PTPRM: variants seen among roughly 807,000 people sequenced by gnomAD.
PTPRM encodes the protein receptor-type tyrosine-protein phosphatase mu.
PTPRM carries 47 observed loss-of-function variants against 186.7 expected under a neutral mutation model. The ratio of observed to expected loss-of-function variants is 0.25; its 90% CI spans 0.20 to 0.32. PTPRM has a LOEUF of 0.32. Ranked by LOEUF, PTPRM falls within the 10% of genes least tolerant of loss-of-function variation. The pLI is 1.00. For synonymous variants in PTPRM, 668 were observed against 674.9 expected (o/e 0.99, Z 0.16); for missense variants, 1,494 against 1,865.0 (o/e 0.80, Z 3.66).
At chr18:8,365,706 C>G (rs887410865) in intron 23 of PTPRM, 1 of 152,310 alleles carries the variant, frequency 6.6e-6, no homozygotes, top group Non-Finnish European at 1.5e-5. Flanking sequence ...CTAGCTGTCC[C>G]TCCACCATCA....
chr18:7,953,210 AC>A (rs1479256566), intron 6 of PTPRM, among the ~76,000 whole-genome samples: 2 of 152,236 alleles, frequency 1.3e-5, no homozygotes, highest in East Asian at 3.9e-4. Flanking sequence ...ATTTTAGGAT[AC>A]TAGTTACAAT....
chr18:8,273,694 T>G (rs1037459087), intron 19 of PTPRM, among the ~76,000 whole-genome samples: 3 of 152,166 alleles, frequency 2.0e-5, no homozygotes, highest in African/African-American at 7.2e-5. Flanking sequence ...AGCAGTATGG[T>G]AGGAATCATT....
At chr18:7,892,485 T>C (rs1442666794) in intron 3 of PTPRM, among the ~76,000 whole-genome samples, 1 of 152,170 alleles carries the variant, frequency 6.6e-6, no homozygotes. Context: ...GGATAACATA[T>C]TTCACCTTCC....
At chr18:8,142,797 G>T (rs1046858615) in intron 13 of PTPRM, among the ~76,000 whole-genome samples, 14 of 152,206 alleles carry the variant, frequency 9.2e-5, no homozygotes, top group African/African-American at 3.1e-4. Context: ...TTACAAAGGA[G>T]TCTTTTTAGG....
chr18:7,958,777 A>G (rs1489866473), intron 7 of PTPRM, among the ~76,000 whole-genome samples: 1 of 152,156 alleles, frequency 6.6e-6, no homozygotes, highest in Non-Finnish European at 1.5e-5. Context: ...CTGCTATTAC[A>G]TTTCCAAAAA....
rs1229249439 is a variant in PTPRM at position 8,335,809 on chromosome 18, G to C, written c.2957-7614G>C. On this transcript the variant is annotated intron_variant, in intron 22 of 32. Coordinates refer to ENST00000580170, the MANE Select transcript of PTPRM (RefSeq NM_001105244.2). ...AGCTGAGGCGGGCAGATCATTTCAG[G>C]TCAGGAGCTGGAGACCAGCCTGGCC... Among the ~76,000 whole-genome samples the C allele has an allele frequency of 1.4e-4, 21 of 151,908 alleles. 1 individual carries two copies. The highest frequency in any genetic ancestry group is 1.4e-3 in the Admixed American group (21 of 15,266).
At chr18:8,392,428 T>G (rs957475700) in intron 31 of PTPRM, among the ~76,000 whole-genome samples, 7 of 152,012 alleles carry the variant, frequency 4.6e-5, no homozygotes, top group Admixed American at 3.9e-4. Flanking sequence ...ATTGAGACTA[T>G]CCTGGCTAAC....
At chr18:7,595,038 C>G (rs1010567672) in intron 1 of PTPRM, among the ~76,000 whole-genome samples, 13 of 152,148 alleles carry the variant, frequency 8.5e-5, no homozygotes, top group African/African-American at 3.1e-4. Context: ...ATCACCTTGG[C>G]AGCCAATGTG....
At chr18:8,223,982 T>C (rs1652023162) in intron 14 of PTPRM, among the ~76,000 whole-genome samples, 1 of 152,146 alleles carries the variant, frequency 6.6e-6, no homozygotes, top group South Asian at 2.1e-4. Flanking sequence ...ATTCCTTGGG[T>C]TGGGGAGAAG....
chr18:8,121,476 A>T (rs1011383301), intron 13 of PTPRM, among the ~76,000 whole-genome samples: 5 of 152,132 alleles, frequency 3.3e-5, no homozygotes, highest in African/African-American at 1.2e-4. Flanking sequence ...ATTAATGTTA[A>T]CCACTTAAAC....
intron 1 of PTPRM, among the ~76,000 whole-genome samples, chr18:7,699,502 A>G (rs897930325): frequency 6.6e-6 from 1 of 152,060 alleles, no homozygotes; most frequent in East Asian, 1.9e-4. Context: ...TCTGCCTCCC[A>G]GGTTCAAGTG....
At chr18:7,585,473 G>T (rs1454757782) in intron 1 of PTPRM, among the ~76,000 whole-genome samples, 2 of 152,148 alleles carry the variant, frequency 1.3e-5, no homozygotes, top group South Asian at 2.1e-4. Flanking sequence ...CATATTTGGT[G>T]CTGTATTTAA....
At chr18:8,039,499 T>C (rs1439966442) in intron 7 of PTPRM, among the ~76,000 whole-genome samples, 1 of 152,190 alleles carries the variant, frequency 6.6e-6, no homozygotes, top group African/African-American at 2.4e-5. Context: ...TAAAATGTGG[T>C]ATTTGATACC....
At chr18:7,643,175 A>G (rs1004357826) in intron 1 of PTPRM, among the ~76,000 whole-genome samples, 20 of 152,038 alleles carry the variant, frequency 1.3e-4, no homozygotes, top group Non-Finnish European at 8.8e-5. Context: ...TCCCATGGGT[A>G]TTGGCTGGGT....
At chr18:7,575,234 T>C (rs892988473) in intron 1 of PTPRM, among the ~76,000 whole-genome samples, 11 of 152,154 alleles carry the variant, frequency 7.2e-5, no homozygotes. Flanking sequence ...CCGGCCTTTC[T>C]GAGAAACAGC....
intron 2 of PTPRM, among the ~76,000 whole-genome samples, chr18:7,873,270 G>A (rs1015218576): frequency 7.9e-5 from 12 of 152,270 alleles, no homozygotes; most frequent in African/African-American, 2.9e-4. Flanking sequence ...GACCCTAATA[G>A]CTTCTAATGC....
chr18:8,125,267 A>G (rs117906621), intron 13 of PTPRM, among the ~76,000 whole-genome samples: 1,872 of 151,874 alleles, frequency 0.012, 20 homozygotes, highest in Non-Finnish European at 0.022. Context: ...TGAACGGCCC[A>G]GTTGTCAGGA....
chr18:8,298,359 C>T (rs1167988180), intron 20 of PTPRM, among the ~76,000 whole-genome samples: 1 of 152,154 alleles, frequency 6.6e-6, no homozygotes, highest in East Asian at 1.9e-4. Flanking sequence ...GTGGAAGAGA[C>T]ATTGCTGAGC....
rs73387573 is a variant in PTPRM, at chr18:7,646,169, C to A, written c.73+78278C>A. Among the ~76,000 whole-genome samples the A allele has an allele frequency of 3.2e-3, 484 of 152,252 alleles. 5 individuals are homozygous for A. Among genetic ancestry groups the A allele is most frequent in the African/African-American group, 0.011 (459 of 41,554 alleles). On this transcript the variant is annotated intron_variant, in intron 1 of 32. Transcript: ENST00000580170. ...TTGAAGTGAGCTGTGTCAATACTCA[C>A]AAAAACCCATTCTCCTCCCTTGCCT...
Sources: allele counts gnomAD v4.1 joint callset (sites outside exome capture counted in the v4.1 genomes callset), GRCh38; gene constraint gnomAD v4.1.1; transcripts MANE v1.5; gene names NCBI Gene and HGNC (gene_info 2026-07-23, HGNC 2026-07-21).